Variants in CRACD observed in about 807,000 individuals in gnomAD.
CRACD encodes the protein capping protein-inhibiting regulator of actin dynamics.
A neutral mutation model predicts 106.8 loss-of-function variants in CRACD; 56 were observed. The ratio of observed to expected loss-of-function variants is 0.52; its 90% CI spans 0.42 to 0.66. The LOEUF is 0.66. Among genes scored for constraint, CRACD ranks in the 30% least tolerant of loss-of-function variants. The probability of loss-of-function intolerance (pLI) is 0.00; values close to 1 mark genes in which losing one functional copy is unlikely to be tolerated. For missense variants in CRACD, 1,730 were observed against 1,623.2 expected (o/e 1.07, Z -1.13); for synonymous variants, 754 against 670.8 (o/e 1.12, Z -1.92).
chr4:56,292,059 A>C (rs936475116), intron 3 of CRACD, among the ~76,000 whole-genome samples: 3 of 152,224 alleles, frequency 2.0e-5, no homozygotes, highest in African/African-American at 7.2e-5. Context: ...TTATATGGAC[A>C]GTGAAGGCCA....
intron 2 of CRACD, among the ~76,000 whole-genome samples, chr4:56,203,527 C>T (rs1302789501): frequency 2.0e-5 from 3 of 152,150 alleles, no homozygotes; most frequent in African/African-American, 7.2e-5. Context: ...CTTGAGGTTC[C>T]TTCCTTCCTT....
At chr4:56,059,592 A>G (rs1403316162) in intron 1 of CRACD, among the ~76,000 whole-genome samples, 1 of 152,236 alleles carries the variant, frequency 6.6e-6, no homozygotes, top group Non-Finnish European at 1.5e-5. Context: ...ATTGGGTACC[A>G]TGGGCATAGT....
intron 2 of CRACD, among the ~76,000 whole-genome samples, chr4:56,222,078 A>T (rs1739070272): frequency 6.6e-6 from 1 of 152,242 alleles, no homozygotes; most frequent in South Asian, 2.1e-4. Context: ...TATCAAAATG[A>T]TGCCTGCACG....
rs185597414 is a variant in CRACD at position 56,218,700 on chromosome 4, T to C, written c.-189+39270T>C. ...ATAGCTCATTGTAACCTCAAACACCTGGCCTCAAGCAATTCTCTCGCTTCA... is the reference window on the plus strand; with the variant it reads ...ATAGCTCATTGTAACCTCAAACACCCGGCCTCAAGCAATTCTCTCGCTTCA... On this transcript the variant is annotated intron_variant, in intron 2 of 10. Coordinates refer to ENST00000682029, the MANE Select transcript of CRACD (RefSeq NM_001393381.1). Among the ~76,000 whole-genome samples, 434 of 150,330 alleles carry C rather than the reference T, an allele frequency of 2.9e-3. 5 individuals are homozygous for C. Among genetic ancestry groups the C allele is most frequent in the African/African-American group, 0.01 (424 of 41,056 alleles).
intron 2 of CRACD, among the ~76,000 whole-genome samples, chr4:56,217,531 A>T (rs1738773591): frequency 6.6e-6 from 1 of 152,148 alleles, no homozygotes. Context: ...AATCAATAGA[A>T]GGGAGTGTCT....
intron 1 of CRACD, among the ~76,000 whole-genome samples, chr4:56,176,695 A>C (rs1046402866): frequency 6.6e-6 from 1 of 152,132 alleles, no homozygotes; most frequent in Non-Finnish European, 1.5e-5. Context: ...TTGGCCTCCC[A>C]AAGTGCTGGT....
At position 56,330,133 on chromosome 4, in the gene CRACD, CAT is replaced by C. The variant is rs1353547150; in HGVS notation, c.*2333_*2334del. Among the ~76,000 whole-genome samples the C allele has an allele frequency of 6.6e-6, 1 of 151,446 alleles. No homozygotes were observed. Among genetic ancestry groups the C allele is most frequent in the Admixed American group, 6.6e-5 (1 of 15,212 alleles). The stretch of plus-strand genomic sequence containing the variant: ...CAAACTATGGGGAATTCTGTAAAAA[CAT>C]ATAAAAAGTTCAAGACTTTTTTTTT... On this transcript the variant is annotated 3_prime_UTR_variant, in exon 11 of 11. Coordinates refer to ENST00000682029, the MANE Select transcript of CRACD (RefSeq NM_001393381.1).
At chr4:56,213,160 A>C (rs1030081763) in intron 2 of CRACD, among the ~76,000 whole-genome samples, 1 of 152,202 alleles carries the variant, frequency 6.6e-6, no homozygotes, top group Admixed American at 6.5e-5. Flanking sequence ...AAAGAGTTTA[A>C]TTGAGGCCGG....
intron 4 of CRACD, among the ~76,000 whole-genome samples, chr4:56,303,971 A>G (rs62310630): frequency 0.16 from 24,393 of 152,066 alleles, 2,147 homozygotes; most frequent in South Asian, 0.26. Flanking sequence ...TTTCAAGTCA[A>G]TTTCTTTACT....
intron 4 of CRACD, chr4:56,301,199 C>T: frequency 7.8e-7 from 1 of 1,283,764 alleles, no homozygotes; most frequent in Non-Finnish European, 1.0e-6. Flanking sequence ...TGAATCATCC[C>T]CAAAAAGACT....
At chr4:56,071,112 G>T (rs1732633791) in intron 1 of CRACD, among the ~76,000 whole-genome samples, 1 of 152,068 alleles carries the variant, frequency 6.6e-6, no homozygotes, top group South Asian at 2.1e-4. Flanking sequence ...TAAAATAGAT[G>T]GCATGATAGC....
chr4:56,257,145 G>A (rs1450881016), intron 2 of CRACD, among the ~76,000 whole-genome samples: 2 of 146,174 alleles, frequency 1.4e-5, no homozygotes, highest in Admixed American at 1.4e-4. Context: ...GCAGTGGTGC[G>A]ATCTCGGCTC....
intron 4 of CRACD, among the ~76,000 whole-genome samples, chr4:56,299,175 A>T (rs1744221797): frequency 6.6e-6 from 1 of 151,658 alleles, no homozygotes; most frequent in Admixed American, 6.6e-5. Context: ...CAAAGCTCTT[A>T]AGCCACTTCC....
At chr4:56,317,314 T>C (rs571866627) in intron 8 of CRACD, among the ~76,000 whole-genome samples, 4 of 152,298 alleles carry the variant, frequency 2.6e-5, no homozygotes, top group Non-Finnish European at 5.9e-5. Context: ...TAGAGGCTGG[T>C]GTGGGATTCC....
At chr4:56,167,126 A>G (rs184220801) in intron 1 of CRACD, among the ~76,000 whole-genome samples, 252 of 152,328 alleles carry the variant, frequency 1.7e-3, no homozygotes, top group Admixed American at 4.1e-3. Flanking sequence ...TACTTTTATA[A>G]TGAGAAAAGG....
intron 1 of CRACD, among the ~76,000 whole-genome samples, chr4:56,080,112 G>T (rs539069046): frequency 1.9e-4 from 29 of 152,324 alleles, no homozygotes; most frequent in Admixed American, 7.2e-4. Context: ...GGAGACTGAA[G>T]TGGAAGGATC....
chr4:56,269,326 T>C (rs1371282677), intron 2 of CRACD, among the ~76,000 whole-genome samples: 2 of 151,384 alleles, frequency 1.3e-5, no homozygotes, highest in African/African-American at 4.9e-5. Flanking sequence ...GAGGTTACAG[T>C]GAGCCAAGAT....
intron 1 of CRACD, among the ~76,000 whole-genome samples, chr4:56,085,907 A>G (rs1733202218): frequency 1.3e-5 from 2 of 152,194 alleles, no homozygotes; most frequent in Non-Finnish European, 2.9e-5. Flanking sequence ...TTTTAATATT[A>G]TGTATTTATT....
At chr4:56,260,826 A>T (rs1741650822) in intron 2 of CRACD, among the ~76,000 whole-genome samples, 1 of 151,328 alleles carries the variant, frequency 6.6e-6, no homozygotes, top group Non-Finnish European at 1.5e-5. Flanking sequence ...GTATGAGCCA[A>T]CTCCTTGCAA....
Sources: gnomAD v4.1 joint callset for allele counts (sites outside exome capture counted in the v4.1 genomes callset) on GRCh38, gnomAD v4.1.1 for gene constraint, MANE v1.5 for transcripts, NCBI Gene and HGNC (gene_info 2026-07-23, HGNC 2026-07-21) for gene names.